The following WSB1 variants were observed in gnomAD, a reference collection of about 807,000 sequenced individuals.
The protein encoded by WSB1 is WD repeat and SOCS box containing 1.
WSB1 carries 23 observed loss-of-function variants against 50.2 expected under a neutral mutation model. The ratio of observed to expected loss-of-function variants is 0.46; its 90% CI spans 0.33 to 0.65. The LOEUF (loss-of-function observed/expected upper bound fraction) is 0.65. Among genes scored for constraint, WSB1 ranks in the 30% least tolerant of loss-of-function variants. The pLI is 0.02. For synonymous variants in WSB1, 179 were observed against 172.0 expected (o/e 1.04, Z -0.32); for missense variants, 492 against 522.3 (o/e 0.94, Z 0.56).
At chr17:27,306,971 C>G (rs2017489751) in intron 5 of WSB1, 89 bp downstream of exon 5, 1 of 1,257,944 alleles carries the variant, frequency 7.9e-7, no homozygotes, top group East Asian at 2.4e-5. Context: ...CCTATGAAGT[C>G]TGTGCTCGGT....
At chr17:27,308,967 A>G in intron 5 of WSB1, 133 bp from the exon 6 acceptor site, 1 of 1,315,334 alleles carries the variant, frequency 7.6e-7, no homozygotes, top group African/African-American at 1.5e-5. Flanking sequence ...GACACTGAGC[A>G]TATTCTTTAA....
chr17:27,296,751 T>C (rs1175873576), intron 1 of WSB1, among the ~76,000 whole-genome samples: 1 of 152,240 alleles, frequency 6.6e-6, no homozygotes, highest in Non-Finnish European at 1.5e-5. Context: ...ATCTTACGGC[T>C]GATTTCCCAT....
intron 1 of WSB1, among the ~76,000 whole-genome samples, chr17:27,297,473 CT>C (rs763082323): frequency 8.5e-4 from 123 of 144,164 alleles, no homozygotes; most frequent in Admixed American, 8.3e-4. Flanking sequence ...CCGGCCTACT[CT>C]TTTTTTTTTT....
intron 1 of WSB1, among the ~76,000 whole-genome samples, chr17:27,295,315 T>G (rs1334184436): frequency 6.6e-6 from 1 of 152,206 alleles, no homozygotes; most frequent in Non-Finnish European, 1.5e-5. Flanking sequence ...CAGAGAGCAT[T>G]TACATTTTCC....
chr17:27,302,683 C>A (rs1308872001), intron 2 of WSB1: 1 of 152,306 alleles, frequency 6.6e-6, no homozygotes, highest in Non-Finnish European at 1.5e-5. Flanking sequence ...CCTCAGCCTC[C>A]CTAAGTGCTG....
At position 27,313,988 on chromosome 17, in the gene WSB1, C is replaced by T. The variant is rs1224732851; in HGVS notation, c.*1619C>T. 2 of 152,050 alleles carry T rather than the reference C, an allele frequency of 1.3e-5. No homozygotes were observed. Among genetic ancestry groups the T allele is most frequent in the African/African-American group, 2.4e-5 (1 of 41,400 alleles). The allele number at this position is 152,050 out of a possible 1,614,324, so 9.4% of individuals were successfully genotyped here. On this transcript the variant is annotated 3_prime_UTR_variant, in exon 9 of 9. Coordinates refer to ENST00000262394, the MANE Select transcript of WSB1 (RefSeq NM_015626.10). ...ATTATGAAAATCTAGCAGTCTGGGTCCTTTGAGAAGGCATTAAAAAAGCAA... is the reference window on the plus strand; with the variant it reads ...ATTATGAAAATCTAGCAGTCTGGGTTCTTTGAGAAGGCATTAAAAAAGCAA...
rs139016589 is a variant in WSB1, at chr17:27,312,406, A to G, written c.*37A>G. 1,168 of 1,603,818 alleles carry G rather than the reference A, an allele frequency of 7.3e-4. 8 individuals are homozygous for G. The African/African-American group carries it at 0.014, about 19-fold the overall frequency. ...TTCCCTAGTAGTAGGGACTGACAGA[A>G]TACACTTAACACAAACCTCAAGCTT... On this transcript the variant is annotated 3_prime_UTR_variant, in exon 9 of 9. Transcript: ENST00000262394.
At chr17:27,301,212 C>G (rs1045203747) in intron 1 of WSB1, among the ~76,000 whole-genome samples, 1 of 152,150 alleles carries the variant, frequency 6.6e-6, no homozygotes, top group Non-Finnish European at 1.5e-5. Context: ...GAGGGTTGGA[C>G]TAGACAACCT....
rs2017817725 is a variant in WSB1 at position 27,315,812 on chromosome 17, T to G, written c.*3443T>G. ...ATATGGATGTACTATCATTTGGTGA[T>G]AAAAGCATAGAAAAAGCATAAGTTG... On this transcript the variant is annotated 3_prime_UTR_variant, in exon 9 of 9. Coordinates refer to ENST00000262394, the MANE Select transcript of WSB1 (RefSeq NM_015626.10). The G allele has an allele frequency of 1.3e-5, 2 of 152,290 alleles. No individual in the cohort carries two copies. The highest frequency in any genetic ancestry group is 4.1e-4 in the South Asian group (2 of 4,838). The allele number at this position is 152,290 out of a possible 1,614,324, so 9.4% of individuals were successfully genotyped here. A position where few individuals can be genotyped will look rare whatever the true frequency, so the allele number is the denominator to read the frequency against.
chr17:27,308,194 T>C, intron 5 of WSB1: 7 of 981,062 alleles, frequency 7.1e-6, no homozygotes, highest in Non-Finnish European at 8.4e-6. Context: ...AAATAATGTA[T>C]TGTGTCTGTG....
chr17:27,306,954 T>C, intron 5 of WSB1, 72 bp downstream of exon 5: 1 of 1,432,454 alleles, frequency 7.0e-7, no homozygotes, highest in Non-Finnish European at 9.7e-7. Flanking sequence ...ATTTTAAATC[T>C]AAGTAACCTA....
rs757377967 is a variant in WSB1, at chr17:27,301,965, GTTAC to G, written c.209+12_209+15del. The G allele has an allele frequency of 6.5e-7, 1 of 1,535,542 alleles. No individual in the cohort carries two copies. Among genetic ancestry groups the G allele is most frequent in the East Asian group, 2.3e-5 (1 of 42,672 alleles). On this transcript the variant is annotated intron_variant, in intron 2 of 8. Coordinates refer to ENST00000262394, the MANE Select transcript of WSB1 (RefSeq NM_015626.10). ...CAGTGCCTTCAGAACTTGTAAGACT[GTTAC>G]TTTTCTGTATTTTGTATCTGTTTGT...
intron 5 of WSB1, chr17:27,308,479 T>G (rs1357850153): frequency 2.0e-6 from 2 of 984,876 alleles, no homozygotes; most frequent in Admixed American, 6.1e-5. Flanking sequence ...GAAATGTAAT[T>G]GTATTATTTT....
At chr17:27,297,486 T>C (rs538261105) in intron 1 of WSB1, among the ~76,000 whole-genome samples, 20 of 150,586 alleles carry the variant, frequency 1.3e-4, no homozygotes, top group Non-Finnish European at 2.2e-4. Context: ...TTTTTTTTTT[T>C]AGACAGAGTC....
intron 4 of WSB1, among the ~76,000 whole-genome samples, chr17:27,306,370 G>A (rs748965137): frequency 2.0e-5 from 3 of 151,930 alleles, no homozygotes; most frequent in African/African-American, 7.3e-5. Context: ...GCGCCACCAT[G>A]CCCGGCTGAT....
chr17:27,311,151 T>C (rs537579239), intron 7 of WSB1, among the ~76,000 whole-genome samples: 1 of 152,292 alleles, frequency 6.6e-6, no homozygotes, highest in East Asian at 1.9e-4. Context: ...CAGGCCCACC[T>C]AGCTTTTAAA....
At chr17:27,300,294 A>G (rs2017173422) in intron 1 of WSB1, among the ~76,000 whole-genome samples, 1 of 152,198 alleles carries the variant, frequency 6.6e-6, no homozygotes, top group Admixed American at 6.5e-5. Context: ...ACATAAAAAT[A>G]TATTATTATA....
rs997890689 is a variant in WSB1 at position 27,308,965 on chromosome 17, G to A, written c.712-135G>A. On this transcript the variant is annotated intron_variant, in intron 5 of 8. Transcript: ENST00000262394. The stretch of plus-strand genomic sequence containing the variant: ...GATTTTAATCTGACTATGACACTGA[G>A]CATATTCTTTAAATTACTCATAATT... 3.8e-6 allele frequency: 5 copies of A among 1,312,504 alleles called. No individual in the cohort carries two copies. The African/African-American group carries it at 5.9e-5, about 16-fold the overall frequency. The allele number at this position is 1,312,504 out of a possible 1,614,324, so 81.3% of individuals were successfully genotyped here. A position where few individuals can be genotyped will look rare whatever the true frequency, so the allele number is the denominator to read the frequency against.
rs1256105044 is a variant in WSB1, at chr17:27,314,844, A to G, written c.*2475A>G. ...ACCACGCCCAGCTAATTTTTGTTGT[A>G]TTTTTAGGACAGACGGCGTTTCACT... On this transcript the variant is annotated 3_prime_UTR_variant, in exon 9 of 9. Transcript: ENST00000262394. 1.3e-5 allele frequency: 2 copies of G among 151,514 alleles called. No individual in the cohort carries two copies. Among genetic ancestry groups the G allele is most frequent in the South Asian group, 2.1e-4 (1 of 4,812 alleles). The allele number at this position is 151,514 out of a possible 1,614,324, so 9.4% of individuals were successfully genotyped here.
Sources: gnomAD v4.1 joint callset for allele counts (sites outside exome capture counted in the v4.1 genomes callset) on GRCh38, gnomAD v4.1.1 for gene constraint, MANE v1.5 for transcripts, NCBI Gene and HGNC (gene_info 2026-07-23, HGNC 2026-07-21) for gene names.